KPNA3: variants seen among roughly 807,000 people sequenced by gnomAD.
KPNA3 encodes the protein karyopherin subunit alpha 3, also known as importin subunit alpha-4.
A neutral mutation model predicts 73.8 loss-of-function variants in KPNA3; 13 were observed. The ratio of observed to expected loss-of-function variants is 0.18; its 90% confidence interval spans 0.11 to 0.28. KPNA3 has a LOEUF of 0.28. Ranked by LOEUF, KPNA3 falls within the 10% of genes least tolerant of loss-of-function variation. The probability of loss-of-function intolerance (pLI) is 1.00; values close to 1 mark genes in which losing one functional copy is unlikely to be tolerated. For synonymous variants in KPNA3, 186 were observed against 206.9 expected (o/e 0.90, Z 0.87); for missense variants, 360 against 618.1 (o/e 0.58, Z 4.43).
chr13:49,704,595 A>G (rs1253263990), intron 15 of KPNA3, among the ~76,000 whole-genome samples: 1 of 152,048 alleles, frequency 6.6e-6, no homozygotes, highest in East Asian at 1.9e-4. Flanking sequence ...TAGTCAATGA[A>G]ATGTAAAATC....
intron 14 of KPNA3, 86 bp from the exon 15 acceptor site, chr13:49,705,869 A>C (rs1216128809): frequency 8.0e-7 from 1 of 1,253,982 alleles, no homozygotes; most frequent in African/African-American, 1.5e-5. Flanking sequence ...AGGCTGAGGC[A>C]GGAGGCTATC....
At chr13:49,746,822 G>C (rs1594448033) in intron 2 of KPNA3, 127 bp downstream of exon 2, 1 of 655,656 alleles carries the variant, frequency 1.5e-6, no homozygotes, top group East Asian at 2.8e-5. Context: ...CCATGATAAA[G>C]TATCCAGTGA....
chr13:49,746,370 C>CA (rs1421457122), intron 2 of KPNA3, among the ~76,000 whole-genome samples: 1 of 152,062 alleles, frequency 6.6e-6, no homozygotes, highest in Non-Finnish European at 1.5e-5. Context: ...CATAGCTACT[C>CA]AGCCAGCTGA....
At chr13:49,739,795 C>T (rs1395046096) in intron 2 of KPNA3, among the ~76,000 whole-genome samples, 1 of 152,150 alleles carries the variant, frequency 6.6e-6, no homozygotes, top group Non-Finnish European at 1.5e-5. Context: ...AGAATGTAAA[C>T]CAACTGTGAA....
At chr13:49,705,952 C>T in intron 14 of KPNA3, 146 bp downstream of exon 14, 1 of 975,178 alleles carries the variant, frequency 1.0e-6, no homozygotes, top group Non-Finnish European at 1.5e-6. Flanking sequence ...CTAGCCTGGG[C>T]AACATAGTGA....
intron 10 of KPNA3, among the ~76,000 whole-genome samples, chr13:49,717,502 T>G (rs1215848476): frequency 6.6e-6 from 1 of 151,778 alleles, no homozygotes; most frequent in Non-Finnish European, 1.5e-5. Flanking sequence ...CGTATTAGGT[T>G]ATTATCTACA....
intron 15 of KPNA3, among the ~76,000 whole-genome samples, chr13:49,703,374 G>C (rs12585586): frequency 0.42 from 63,591 of 150,636 alleles, 13,669 homozygotes; most frequent in East Asian, 0.69. Context: ...TAGAGACGGG[G>C]TTTCACCATG....
At chr13:49,731,249 G>GTTTTTTTTTTT (rs143641829) in intron 6 of KPNA3, among the ~76,000 whole-genome samples, 2 of 102,218 alleles carry the variant, frequency 2.0e-5, no homozygotes, top group Admixed American at 1.2e-4. Context: ...TAATTTTCGT[G>GTTTTTTTTTTT]TTTTTTTTTT....
chr13:49,719,445 G>T (rs372657575), intron 10 of KPNA3, among the ~76,000 whole-genome samples: 2 of 152,046 alleles, frequency 1.3e-5, no homozygotes, highest in African/African-American at 4.8e-5. Context: ...CCTATCTGTT[G>T]TAAGAACCAG....
At chr13:49,716,611 G>A (rs1445131919) in intron 10 of KPNA3, among the ~76,000 whole-genome samples, 1 of 151,834 alleles carries the variant, frequency 6.6e-6, no homozygotes. Context: ...GCTAATTTTT[G>A]TATTTTTAGT....
At chr13:49,770,364 C>T (rs541521125) in intron 1 of KPNA3, among the ~76,000 whole-genome samples, 1 of 151,794 alleles carries the variant, frequency 6.6e-6, no homozygotes, top group South Asian at 2.1e-4. Flanking sequence ...TTTATAAAGA[C>T]GAGGTCTCAC....
chr13:49,765,838 A>AGG (rs1954803663), intron 1 of KPNA3, among the ~76,000 whole-genome samples: 1 of 152,108 alleles, frequency 6.6e-6, no homozygotes, highest in Admixed American at 6.5e-5. Flanking sequence ...CTTTAAGTAA[A>AGG]CTGCTGTATT....
chr13:49,792,229 G>C (rs1955039916), intron 1 of KPNA3, among the ~76,000 whole-genome samples: 1 of 151,690 alleles, frequency 6.6e-6, no homozygotes, highest in East Asian at 1.9e-4. Flanking sequence ...TTTCCCGGTC[G>C]CCGCGCCGGC....
At chr13:49,722,639 T>A (rs1451721875) in intron 7 of KPNA3, 76 bp from the exon 8 acceptor site, 2 of 853,644 alleles carry the variant, frequency 2.3e-6, no homozygotes, top group Middle Eastern at 2.3e-4. Flanking sequence ...AAGAAATTGA[T>A]CAAATACACA....
At chr13:49,720,255 T>A (rs952751777) in intron 9 of KPNA3, among the ~76,000 whole-genome samples, 3 of 152,234 alleles carry the variant, frequency 2.0e-5, no homozygotes, top group African/African-American at 7.2e-5. Flanking sequence ...AATAAGCTAC[T>A]TAAGTCAAAT....
At chr13:49,753,689 G>T (rs1954686125) in intron 1 of KPNA3, among the ~76,000 whole-genome samples, 2 of 152,200 alleles carry the variant, frequency 1.3e-5, no homozygotes, top group African/African-American at 2.4e-5. Flanking sequence ...TCCATTTCCT[G>T]TCAGATCACG....
rs1954133302 is a variant in KPNA3 at position 49,700,017 on chromosome 13, G to GA, written c.*1782dup. On this transcript the variant is annotated 3_prime_UTR_variant, in exon 17 of 17. Coordinates refer to ENST00000261667, the MANE Select transcript of KPNA3 (RefSeq NM_002267.4). ...TGAAAAATCTGAGCCACCTTAAAGA[G>GA]AAATTGATTCTAAAATTTATAAAAC... 1 of 152,556 alleles carries GA rather than the reference G, an allele frequency of 6.6e-6. No homozygotes were observed. The highest frequency in any genetic ancestry group is 1.5e-5 in the Non-Finnish European group (1 of 68,004). The allele number at this position is 152,556 out of a possible 1,614,324, so 9.5% of individuals were successfully genotyped here. A position where few individuals can be genotyped will look rare whatever the true frequency, so the allele number is the denominator to read the frequency against.
chr13:49,752,128 G>A (rs1954668077), intron 1 of KPNA3, among the ~76,000 whole-genome samples: 1 of 152,194 alleles, frequency 6.6e-6, no homozygotes, highest in Non-Finnish European at 1.5e-5. Context: ...CTTGAGAACA[G>A]TTGCAAATGG....
chr13:49,726,616 G>A (rs957470140), intron 6 of KPNA3, among the ~76,000 whole-genome samples: 8 of 152,118 alleles, frequency 5.3e-5, no homozygotes, highest in Non-Finnish European at 1.2e-4. Flanking sequence ...ATGGTATGCA[G>A]AATGGCTAAA....
Sources: gnomAD v4.1 joint callset for allele counts (sites outside exome capture counted in the v4.1 genomes callset) on GRCh38, gnomAD v4.1.1 for gene constraint, MANE v1.5 for transcripts, NCBI Gene and HGNC (gene_info 2026-07-23, HGNC 2026-07-21) for gene names.